Variants in CD8B2 observed in about 807,000 individuals in gnomAD.
The protein encoded by CD8B2 is CD8B family member 2, also known as T-cell surface glycoprotein CD8 beta-2 chain.
A neutral mutation model predicts 23.7 loss-of-function variants in CD8B2; 11 were observed. The observed-to-expected ratio is 0.46, with a 90% CI of 0.29 to 0.77. CD8B2 has a LOEUF of 0.77. Among genes scored for constraint, CD8B2 ranks in the 30% least tolerant of loss-of-function variants. The pLI, the probability that CD8B2 is intolerant of heterozygous loss-of-function variation, is 0.09. For synonymous variants in CD8B2, 90 were observed against 109.3 expected, an observed-to-expected ratio of 0.82 and a Z score of 1.10; for missense variants, 197 against 270.5, an observed-to-expected ratio of 0.73 and a Z score of 1.91.
chr2:106,518,262 T>A (rs1679767918), intron 5 of CD8B2, among the ~76,000 whole-genome samples: 1 of 152,216 alleles, frequency 6.6e-6, no homozygotes, highest in Non-Finnish European at 1.5e-5. Context: ...AAAAGAGGAT[T>A]AATTACGGCA....
Position 106,524,173 on chromosome 2 carries a change from T to A in CD8B2, c.621-19819T>A, listed in dbSNP as rs114876816. Reference sequence around the variant, plus strand: ...GGCTTGACTTCCCACTAGCCTGACATAATAGTAGGCTGGCTTCCTGGGCTG... The same window carrying A: ...GGCTTGACTTCCCACTAGCCTGACAAAATAGTAGGCTGGCTTCCTGGGCTG... On this transcript the variant is annotated intron_variant, in intron 5 of 5. Transcript: ENST00000416057. Among the ~76,000 whole-genome samples the A allele has an allele frequency of 3.3e-3, 506 of 152,306 alleles. 6 individuals carry two copies. The highest frequency in any genetic ancestry group is 0.011 in the African/African-American group (477 of 41,570).
At chr2:106,496,295 C>A (rs1473315272) in intron 3 of CD8B2, 33 bp downstream of exon 3, 24 of 1,454,156 alleles carry the variant, frequency 1.7e-5, no homozygotes, top group Non-Finnish European at 2.1e-5. Flanking sequence ...CCCTCAGAAA[C>A]AAGGCAGACA....
At chr2:106,518,288 C>A (rs1679768647) in intron 5 of CD8B2, among the ~76,000 whole-genome samples, 1 of 152,054 alleles carries the variant, frequency 6.6e-6, no homozygotes, top group African/African-American at 2.4e-5. Flanking sequence ...GATAGGAGGA[C>A]ATTATTTAGG....
At chr2:106,523,045 T>C (rs548423839) in intron 5 of CD8B2, among the ~76,000 whole-genome samples, 91 of 152,268 alleles carry the variant, frequency 6.0e-4, no homozygotes, top group African/African-American at 2.1e-3. Context: ...ATAAATTATG[T>C]AGTCTATTTT....
At chr2:106,498,612 G>A (rs111793807) in intron 3 of CD8B2, among the ~76,000 whole-genome samples, 3,100 of 152,268 alleles carry the variant, frequency 0.02, 51 homozygotes, top group Non-Finnish European at 0.028. Context: ...ACTGAGGAGA[G>A]TGGCCCTGGG....
At chr2:106,500,990 T>C (rs535457290) in intron 3 of CD8B2, among the ~76,000 whole-genome samples, 1 of 152,284 alleles carries the variant, frequency 6.6e-6, no homozygotes, top group South Asian at 2.1e-4. Flanking sequence ...CTAAAACATT[T>C]TGATGATATC....
intron 5 of CD8B2, among the ~76,000 whole-genome samples, chr2:106,536,790 T>C (rs547661038): frequency 1.6e-4 from 24 of 152,230 alleles, no homozygotes; most frequent in African/African-American, 5.3e-4. Flanking sequence ...GGTGAGTTAA[T>C]TATGGGTGTG....
chr2:106,490,240 G>A (rs1679166739), intron 1 of CD8B2, among the ~76,000 whole-genome samples: 1 of 152,116 alleles, frequency 6.6e-6, no homozygotes, highest in South Asian at 2.1e-4. Context: ...GGAGGTGAAA[G>A]GCAACCAGTT....
At chr2:106,518,050 A>G (rs1170047307) in intron 5 of CD8B2, among the ~76,000 whole-genome samples, 1 of 152,150 alleles carries the variant, frequency 6.6e-6, no homozygotes, top group African/African-American at 2.4e-5. Flanking sequence ...CAACACTGTA[A>G]CAATACTGAG....
chr2:106,506,433 C>T (rs1679507814), intron 5 of CD8B2, among the ~76,000 whole-genome samples: 1 of 152,156 alleles, frequency 6.6e-6, no homozygotes, highest in Admixed American at 6.5e-5. Flanking sequence ...TGGGTTTACA[C>T]TTACCTGTAA....
At chr2:106,501,123 T>C (rs558032541) in intron 3 of CD8B2, among the ~76,000 whole-genome samples, 2 of 152,292 alleles carry the variant, frequency 1.3e-5, no homozygotes, top group South Asian at 4.1e-4. Context: ...GTAGTTCCCG[T>C]TCTCAGTATT....
At position 106,508,078 on chromosome 2, in the gene CD8B2, A is replaced by G. The variant is rs1679547885; in HGVS notation, c.*1138A>G. ...AGGAGAAAGTGCTGAGCAGGAGTGG[A>G]GAGTGAAGAGCAGGACCTCGTGCCT... On this transcript the variant is annotated 3_prime_UTR_variant, in exon 6 of 6. Transcript: ENST00000643224. 6.7e-6 allele frequency: 1 copy of G among 149,084 alleles called. No individual in the cohort carries two copies. 9.2% of individuals were successfully genotyped at this position (149,084 alleles called of 1,614,324 possible).
chr2:106,515,860 T>C (rs1476199988), downstream of CD8B2, among the ~76,000 whole-genome samples: 1 of 152,078 alleles, frequency 6.6e-6, no homozygotes, highest in African/African-American at 2.4e-5. Context: ...TCTTGCTCTG[T>C]TGCCCAGGCT....
chr2:106,519,916 A>G (rs984300898), intron 5 of CD8B2, among the ~76,000 whole-genome samples: 2 of 152,174 alleles, frequency 1.3e-5, no homozygotes, highest in Non-Finnish European at 2.9e-5. Flanking sequence ...TCTAAGACAT[A>G]TTTTGTGTAC....
At chr2:106,503,618 A>T in intron 4 of CD8B2, among the ~76,000 whole-genome samples, 2 of 152,314 alleles carry the variant, frequency 1.3e-5, no homozygotes, top group Middle Eastern at 6.8e-3. Context: ...TTACTTATTT[A>T]ATATTTTATG....
exon 6 of CD8B2, chr2:106,544,189 A>T (rs1680217857): frequency 2.5e-6 from 1 of 397,668 alleles, no homozygotes. Context: ...CTGAAGCTGC[A>T]TGGGAGTTGT....
rs1437561137 is a variant in CD8B2 at position 106,499,080 on chromosome 2, C to T, written c.493+2818C>T. On this transcript the variant is annotated intron_variant, in intron 3 of 5. Transcript: ENST00000643224. Reference sequence around the variant, plus strand: ...ACGTTATTTGCAGCAGCAACTTTTCCCGGAGAGTCACATTTTGGATGGGAG... The same window carrying T: ...ACGTTATTTGCAGCAGCAACTTTTCTCGGAGAGTCACATTTTGGATGGGAG... 4.6e-5 allele frequency among the ~76,000 whole-genome samples: 7 copies of T among 152,010 alleles called. No homozygotes were observed. In the East Asian group the frequency reaches 1.4e-3, roughly 29 times the overall value.
chr2:106,523,877 G>A (rs886317331), intron 5 of CD8B2, among the ~76,000 whole-genome samples: 2 of 152,164 alleles, frequency 1.3e-5, no homozygotes, highest in Non-Finnish European at 2.9e-5. Flanking sequence ...TGGGTCGGCT[G>A]TCTCATTGTC....
chr2:106,514,677 G>T (rs555086444), downstream of CD8B2, among the ~76,000 whole-genome samples: 2 of 151,208 alleles, frequency 1.3e-5, no homozygotes, highest in East Asian at 2.0e-4. Flanking sequence ...CTGGTCAGAC[G>T]CTCCTGATGG....
Sources: gnomAD v4.1 joint callset for allele counts (sites outside exome capture counted in the v4.1 genomes callset) on GRCh38, gnomAD v4.1.1 for gene constraint, MANE v1.5 for transcripts, NCBI Gene and HGNC (gene_info 2026-07-23, HGNC 2026-07-21) for gene names.